The following EML2 variants were observed in gnomAD, a reference collection of about 807,000 sequenced individuals.
EML2 encodes the protein echinoderm microtubule-associated protein-like 2.
EML2 carries 59 observed loss-of-function variants against 84.7 expected under a neutral mutation model. The observed-to-expected ratio is 0.70, with a 90% CI of 0.56 to 0.86. The LOEUF is 0.86. Ranked by LOEUF, EML2 falls within the 40% of genes least tolerant of loss-of-function variation. The pLI is 0.00. For missense variants in EML2, 818 were observed against 855.6 expected, an observed-to-expected ratio of 0.96 and a Z score of 0.55; for synonymous variants, 352 against 348.9, an observed-to-expected ratio of 1.01 and a Z score of -0.10.
In EML2 at chr19:45,638,702, C is replaced by T. The variant is rs569586842; in HGVS notation, c.50-68G>A. 10 of 1,586,986 alleles carry T rather than the reference C, an allele frequency of 6.3e-6. No homozygotes were observed. The South Asian group carries it at 1.0e-4, about 16-fold the overall frequency. On this transcript the variant is annotated intron_variant, in intron 2 of 18. Coordinates refer to ENST00000245925, the MANE Select transcript of EML2 (RefSeq NM_012155.4). The stretch of plus-strand genomic sequence containing the variant: ...ATCCCTATTCCCTCTCCTCTTCCAG[C>T]TTTATTTATTTATTTTTTTAAAGGC...
intron 18 of EML2, among the ~76,000 whole-genome samples, chr19:45,612,621 C>T (rs1351992688): frequency 1.3e-5 from 2 of 151,996 alleles, no homozygotes; most frequent in African/African-American, 4.8e-5. Flanking sequence ...CTGCAGTGAG[C>T]CGAGATTGTG....
chr19:45,615,770 G>A (rs755834309), intron 16 of EML2, 32 bp downstream of exon 16: 2 of 1,573,042 alleles, frequency 1.3e-6, no homozygotes, highest in South Asian at 1.1e-5. Flanking sequence ...TGAGACGGAG[G>A]AAGTAATGTC....
intron 16 of EML2, 45 bp downstream of exon 16, chr19:45,615,757 A>C: frequency 1.3e-6 from 2 of 1,528,256 alleles, no homozygotes; most frequent in Non-Finnish European, 1.8e-6. Flanking sequence ...GGAAGTCTGC[A>C]AATGAGACGG....
At chr19:45,638,690 C>T in intron 2 of EML2, 56 bp from the exon 3 acceptor site, 10 of 1,595,288 alleles carry the variant, frequency 6.3e-6, no homozygotes, top group Non-Finnish European at 8.5e-6. Context: ...CCTATTCCCT[C>T]TCCTCTTCCA....
chr19:45,642,334 G>T (rs1477614216), upstream of EML2: 3 of 1,532,184 alleles, frequency 2.0e-6, no homozygotes, highest in African/African-American at 1.4e-5. Context: ...CATACCGCTC[G>T]TGCCCGACAA....
At chr19:45,645,087 G>T (rs1974926946), upstream of EML2, among the ~76,000 whole-genome samples, 1 of 152,046 alleles carries the variant, frequency 6.6e-6, no homozygotes, top group South Asian at 2.1e-4. Context: ...CCAAGTGGAT[G>T]GGGGGCTGGG....
intron 16 of EML2, among the ~76,000 whole-genome samples, chr19:45,615,376 G>C (rs547353972): frequency 1.8e-3 from 277 of 151,124 alleles, no homozygotes; most frequent in African/African-American, 5.1e-3. Flanking sequence ...ATATTAGCCG[G>C]GCATGGTGGT....
rs1971672120 is a variant in EML2 at position 45,621,335 on chromosome 19, G to A, written c.997-3C>T. On this transcript the variant is annotated splice_polypyrimidine_tract_variant and splice_region_variant and intron_variant, in intron 10 of 18. Transcript: ENST00000245925. Reference sequence around the variant, plus strand: ...ACAGGGCCAAAGTCCTCAGGGACCTGGGTGGACAGATAAGAGGGAAGATGA... The same window carrying A: ...ACAGGGCCAAAGTCCTCAGGGACCTAGGTGGACAGATAAGAGGGAAGATGA... 2 of 1,599,574 alleles carry A rather than the reference G, an allele frequency of 1.3e-6. No individual in the cohort carries two copies. Among genetic ancestry groups the A allele is most frequent in the Non-Finnish European group, 1.7e-6 (2 of 1,170,866 alleles).
intron 12 of EML2, among the ~76,000 whole-genome samples, chr19:45,618,167 G>A (rs748117045): frequency 3.3e-5 from 5 of 151,598 alleles, no homozygotes; most frequent in Admixed American, 6.6e-5. Context: ...GGGTTCAAGC[G>A]ATTCTCCTGG....
At chr19:45,618,561 G>A (rs567715074) in intron 12 of EML2, among the ~76,000 whole-genome samples, 2 of 151,860 alleles carry the variant, frequency 1.3e-5, no homozygotes, top group Non-Finnish European at 2.9e-5. Context: ...TGTCGTCCTG[G>A]GCTCCCTTCC....
chr19:45,642,175 G>T, upstream of EML2: 2 of 1,530,052 alleles, frequency 1.3e-6, no homozygotes, highest in Non-Finnish European at 1.7e-6. Context: ...CCGGCCCTTG[G>T]GGGTGCCCCG....
chr19:45,640,967 C>G (rs1404602193), upstream of EML2: 1 of 152,996 alleles, frequency 6.5e-6, no homozygotes, highest in Non-Finnish European at 1.5e-5. Context: ...ACTGCTACCT[C>G]CCGCCAACGC....
intron 11 of EML2, chr19:45,620,715 A>G (rs919462870): frequency 1.6e-5 from 2 of 126,186 alleles, no homozygotes; most frequent in Non-Finnish European, 1.7e-5. Context: ...CTCAAAAATG[A>G]AAAAAAAAAA....
intron 9 of EML2, among the ~76,000 whole-genome samples, chr19:45,624,311 A>G (rs1194723139): frequency 6.6e-6 from 1 of 152,122 alleles, no homozygotes; most frequent in Non-Finnish European, 1.5e-5. Flanking sequence ...TCATTTACTT[A>G]TTCTTCCATC....
intron 6 of EML2, 115 bp from the exon 7 acceptor site, chr19:45,630,161 C>A: frequency 1.4e-6 from 1 of 729,264 alleles, no homozygotes; most frequent in Non-Finnish European, 2.4e-6. Flanking sequence ...TCAGGCTGGG[C>A]ACAGTAGGTG....
chr19:45,634,056 G>A (rs1973407880), intron 4 of EML2, among the ~76,000 whole-genome samples: 1 of 152,104 alleles, frequency 6.6e-6, no homozygotes, highest in Admixed American at 6.6e-5. Context: ...TGATCCTCTC[G>A]CCTCAACCTC....
chr19:45,621,911 A>AT (rs1971763914), intron 9 of EML2, among the ~76,000 whole-genome samples: 2 of 150,636 alleles, frequency 1.3e-5, no homozygotes, highest in South Asian at 4.2e-4. Flanking sequence ...TGCCTGGCGA[A>AT]TTTTTTGTTT....
At chr19:45,620,887 G>C in intron 11 of EML2, 1 of 445,342 alleles carries the variant, frequency 2.2e-6, no homozygotes, top group Non-Finnish European at 4.4e-6. Flanking sequence ...TGGAGCTGGA[G>C]TCTGAGAGGT....
chr19:45,609,821 T>C, intron 18 of EML2, 33 bp from the exon 19 acceptor site: 3 of 1,608,672 alleles, frequency 1.9e-6, no homozygotes, highest in Non-Finnish European at 1.7e-6. Flanking sequence ...TGAAGAAATG[T>C]CAGTGGGGAC....
Sources: allele counts gnomAD v4.1 joint callset (sites outside exome capture counted in the v4.1 genomes callset), GRCh38; gene constraint gnomAD v4.1.1; transcripts MANE v1.5; gene names NCBI Gene and HGNC (gene_info 2026-07-23, HGNC 2026-07-21).